Variants in IRAK1BP1 observed in about 807,000 individuals in gnomAD.
IRAK1BP1 encodes interleukin-1 receptor-associated kinase 1-binding protein 1.
In IRAK1BP1, 24 loss-of-function variants were observed where a neutral mutation model predicts 28.0. The ratio of observed to expected loss-of-function variants is 0.86; its 90% CI spans 0.62 to 1.20. IRAK1BP1 has a LOEUF of 1.20. IRAK1BP1 is among the 50% of genes most tolerant of loss of function. The pLI, the probability that IRAK1BP1 is intolerant of heterozygous loss-of-function variation, is 0.00. For synonymous variants in IRAK1BP1, 131 were observed against 116.3 expected (o/e 1.13, Z -0.81); for missense variants, 336 against 316.7 (o/e 1.06, Z -0.46).
intron 4 of IRAK1BP1, chr6:78,938,978 T>C (rs1412494567): frequency 1.3e-5 from 2 of 151,776 alleles, no homozygotes; most frequent in African/African-American, 4.8e-5. Context: ...GTCATGCTGA[T>C]ACATATTTTC....
chr6:78,893,314 G>GTTTATATATA (rs1273555034), intron 2 of IRAK1BP1, among the ~76,000 whole-genome samples: 1 of 103,456 alleles, frequency 9.7e-6, no homozygotes, highest in Non-Finnish European at 1.9e-5. Context: ...GTGTGTGTGT[G>GTTTATATATA]TATATATATA....
the IRAK1BP1 span, among the ~76,000 whole-genome samples, chr6:78,961,525 T>C: frequency 6.6e-6 from 1 of 152,044 alleles, no homozygotes; most frequent in Admixed American, 6.6e-5. Flanking sequence ...GAATCTCAGG[T>C]CCCACTCCAA....
At chr6:78,940,548 G>GTTTGTTTTTT (rs1773439272) in intron 4 of IRAK1BP1, 1 of 82,672 alleles carries the variant, frequency 1.2e-5, no homozygotes, top group African/African-American at 5.7e-5. Flanking sequence ...TCGTAAGTTT[G>GTTTGTTTTTT]TTTTTTTTTT....
chr6:78,971,542 G>A, the IRAK1BP1 span, among the ~76,000 whole-genome samples: 1 of 152,170 alleles, frequency 6.6e-6, no homozygotes, highest in African/African-American at 2.4e-5. Flanking sequence ...GGCCGAATAG[G>A]AACAGCTCCG....
chr6:78,913,596 A>G (rs1328994173), intron 4 of IRAK1BP1, among the ~76,000 whole-genome samples: 1 of 152,190 alleles, frequency 6.6e-6, no homozygotes, highest in African/African-American at 2.4e-5. Context: ...CAGTGAGCCA[A>G]GATTACACAC....
chr6:78,955,427 T>TC, the IRAK1BP1 span: 586 of 627,370 alleles, frequency 9.3e-4, 3 homozygotes, highest in African/African-American at 0.01. Flanking sequence ...TTAAAAAGGT[T>TC]CCCCCCATTA....
At chr6:78,957,826 G>C in the IRAK1BP1 span, 1 of 151,990 alleles carries the variant, frequency 6.6e-6, no homozygotes, top group African/African-American at 2.4e-5. Flanking sequence ...GGAAGGGAAA[G>C]TACTTCTGCC....
At chr6:78,888,934 A>G (rs995315485) in intron 2 of IRAK1BP1, among the ~76,000 whole-genome samples, 7 of 151,736 alleles carry the variant, frequency 4.6e-5, no homozygotes, top group African/African-American at 1.7e-4. Flanking sequence ...CCTGGGCAAC[A>G]TGGTAAAACC....
chr6:78,876,822 G>A (rs1293043162), intron 1 of IRAK1BP1, among the ~76,000 whole-genome samples: 3 of 152,162 alleles, frequency 2.0e-5, no homozygotes, highest in African/African-American at 7.2e-5. Flanking sequence ...AATAAAAAAT[G>A]TCTCCAGGCA....
chr6:78,954,769 T>C, the IRAK1BP1 span: 1 of 1,245,466 alleles, frequency 8.0e-7, no homozygotes. Context: ...GTAAAAGGTA[T>C]GTAGCAAACT....
the IRAK1BP1 span, among the ~76,000 whole-genome samples, chr6:78,973,746 C>T: frequency 7.9e-5 from 12 of 151,906 alleles, no homozygotes; most frequent in Non-Finnish European, 1.6e-4. Flanking sequence ...ATAAAACAGA[C>T]TTTAAACCAA....
rs564167767 is a variant in IRAK1BP1 at position 78,946,412 on chromosome 6, A to G, written c.*1072A>G. On this transcript the variant is annotated 3_prime_UTR_variant and NMD_transcript_variant, in exon 5 of 5. Coordinates refer to the IRAK1BP1 transcript ENST00000606868. The stretch of plus-strand genomic sequence containing the variant: ...GATTTCATATGATTGTGAGCCTTTG[A>G]AAGTGAATATTTAGTGAAGGATCGC... 9 of 1,402,590 alleles carry G rather than the reference A, an allele frequency of 6.4e-6. No homozygotes were observed. The East Asian group carries it at 2.0e-4, about 32-fold the overall frequency. The allele number at this position is 1,402,590 out of a possible 1,614,324, so 86.9% of individuals were successfully genotyped here.
exon 5 of IRAK1BP1, chr6:78,946,047 C>T: frequency 6.2e-7 from 1 of 1,612,314 alleles, no homozygotes; most frequent in Non-Finnish European, 8.5e-7. Flanking sequence ...TAATAAAAGT[C>T]TTTGCAGCTG....
the IRAK1BP1 span, chr6:78,958,407 T>C: frequency 2.4e-4 from 246 of 1,017,320 alleles, no homozygotes; most frequent in East Asian, 6.0e-3. Flanking sequence ...ATGTTTTCTA[T>C]TTTAAGAGGA....
chr6:78,922,159 GA>G (rs1230855734), intron 4 of IRAK1BP1, among the ~76,000 whole-genome samples: 5 of 152,198 alleles, frequency 3.3e-5, no homozygotes, highest in Non-Finnish European at 7.3e-5. Flanking sequence ...CCATGGCAAA[GA>G]AGTTAAAAGT....
the IRAK1BP1 span, among the ~76,000 whole-genome samples, chr6:78,975,929 T>C: frequency 1.3e-5 from 2 of 150,152 alleles, no homozygotes; most frequent in Non-Finnish European, 3.0e-5. Context: ...GAATCAATAT[T>C]GTGAAAATGG....
chr6:78,958,696 T>C, the IRAK1BP1 span: 9 of 766,090 alleles, frequency 1.2e-5, no homozygotes, highest in East Asian at 1.8e-4. Flanking sequence ...TCAACTTCAG[T>C]CTAAACCAAC....
intron 4 of IRAK1BP1, among the ~76,000 whole-genome samples, chr6:78,917,852 C>A (rs1455023351): frequency 4.6e-5 from 7 of 152,118 alleles, no homozygotes; most frequent in Non-Finnish European, 7.4e-5. Context: ...GAAATAAAAT[C>A]TTTTCCAGAC....
At chr6:78,888,520 A>G (rs1429758098) in intron 2 of IRAK1BP1, among the ~76,000 whole-genome samples, 3 of 143,860 alleles carry the variant, frequency 2.1e-5, no homozygotes, top group Non-Finnish European at 4.5e-5. Flanking sequence ...TACAGCTCCA[A>G]TTTTTTTTTT....
Sources: allele counts gnomAD v4.1 joint callset (sites outside exome capture counted in the v4.1 genomes callset), GRCh38; gene constraint gnomAD v4.1.1; transcripts MANE v1.5; gene names NCBI Gene and HGNC (gene_info 2026-07-23, HGNC 2026-07-21).